TCEA1: variants seen among roughly 807,000 people sequenced by gnomAD.
The protein encoded by TCEA1 is transcription elongation factor A protein 1.
TCEA1 carries 21 observed loss-of-function variants against 43.8 expected under a neutral mutation model. The observed-to-expected ratio is 0.48, with a 90% CI of 0.34 to 0.69. TCEA1 has a LOEUF of 0.69. TCEA1 is among the 30% of genes least tolerant of loss of function. TCEA1 has a pLI of 0.01. For synonymous variants in TCEA1, 104 were observed against 117.5 expected, an observed-to-expected ratio of 0.88 and a Z score of 0.75; for missense variants, 250 against 365.1, an observed-to-expected ratio of 0.68 and a Z score of 2.57.
At chr8:53,983,905 G>A (rs750542315) in intron 7 of TCEA1, among the ~76,000 whole-genome samples, 4 of 152,158 alleles carry the variant, frequency 2.6e-5, no homozygotes, top group African/African-American at 4.8e-5. Flanking sequence ...TTCGAGACCA[G>A]CCTGACCAAC....
chr8:53,987,340 A>C (rs1803721249), intron 5 of TCEA1, among the ~76,000 whole-genome samples: 1 of 152,246 alleles, frequency 6.6e-6, no homozygotes, highest in South Asian at 2.1e-4. Context: ...AGAAAGTTAC[A>C]GAAAGAACTG....
chr8:53,992,247 G>T (rs757668207), intron 4 of TCEA1, among the ~76,000 whole-genome samples: 1 of 151,992 alleles, frequency 6.6e-6, no homozygotes, highest in South Asian at 2.1e-4. Context: ...GGAAGGTGGA[G>T]GTGGCAGTGA....
Position 53,967,043 on chromosome 8 carries a change from T to C in TCEA1, c.*1061A>G, listed in dbSNP as rs1160523499. The stretch of plus-strand genomic sequence containing the variant: ...ATCTGTACTGTAAAGCTACTTGCTA[T>C]AGCCCATATATTCAGTTTGTTCAAC... On this transcript the variant is annotated 3_prime_UTR_variant, in exon 10 of 10. Coordinates refer to ENST00000521604, the MANE Select transcript of TCEA1 (RefSeq NM_006756.4). 1 of 209,018 alleles carries C rather than the reference T, an allele frequency of 4.8e-6. No homozygotes were observed. The highest frequency in any genetic ancestry group is 2.3e-5 in the African/African-American group (1 of 43,880). 12.9% of individuals were successfully genotyped at this position (209,018 alleles called of 1,614,324 possible). A position where few individuals can be genotyped will look rare whatever the true frequency, so the allele number is the denominator to read the frequency against.
Position 53,970,448 on chromosome 8 carries a change from C to T in TCEA1, c.841G>A (p.Ala281Thr), listed in dbSNP as rs1378027814. 1 of 1,610,214 alleles carries T rather than the reference C, an allele frequency of 6.2e-7. No homozygotes were observed. The change falls in exon 9 of 10, where the codon GCT becomes ACT. Residue 281 changes from alanine (A) to threonine (T), a missense_variant. By Grantham distance (58) the Ala-to-Thr change is moderately conservative. Coordinates refer to ENST00000521604, the MANE Select transcript of TCEA1 (RefSeq NM_006756.4). ...ACAAATGTTGTCATTGGTTCATCAG[C>T]ACTACGGGTTTGTACCTGCAGCAAA... ...CTYTQVQTRS[A>T]DEPMTTFVVC...
At chr8:53,975,903 C>T (rs1803318158) in intron 8 of TCEA1, among the ~76,000 whole-genome samples, 2 of 152,052 alleles carry the variant, frequency 1.3e-5, no homozygotes, top group Admixed American at 1.3e-4. Flanking sequence ...AATTCTACCA[C>T]AACTACTTTT....
intron 3 of TCEA1, among the ~76,000 whole-genome samples, chr8:53,997,751 C>A (rs758677975): frequency 6.6e-6 from 1 of 152,082 alleles, no homozygotes; most frequent in Non-Finnish European, 1.5e-5. Context: ...AAATAAATAA[C>A]AAAGGAGGGC....
chr8:54,012,039 C>T (rs1290295698), intron 1 of TCEA1, among the ~76,000 whole-genome samples: 2 of 152,146 alleles, frequency 1.3e-5, no homozygotes, highest in African/African-American at 4.8e-5. Flanking sequence ...AGAAATCTAA[C>T]ACTGACTTAA....
intron 9 of TCEA1, chr8:53,970,189 T>C (rs1803113459): frequency 1.7e-6 from 1 of 592,346 alleles, no homozygotes; most frequent in Non-Finnish European, 3.0e-6. Context: ...CAAATAAAGG[T>C]GGTAAAGTCA....
At chr8:53,978,535 C>T (rs1196271666) in intron 8 of TCEA1, 1 of 153,584 alleles carries the variant, frequency 6.5e-6, no homozygotes, top group Non-Finnish European at 1.4e-5. Flanking sequence ...ATTAGTCATC[C>T]ACATCATCAG....
chr8:54,021,322 A>C (rs1396981884), intron 1 of TCEA1, among the ~76,000 whole-genome samples: 1 of 152,182 alleles, frequency 6.6e-6, no homozygotes, highest in Non-Finnish European at 1.5e-5. Flanking sequence ...TTACATGAAT[A>C]TTCATCAATA....
intron 9 of TCEA1, among the ~76,000 whole-genome samples, chr8:53,969,028 G>A (rs1227653906): frequency 2.6e-5 from 4 of 151,936 alleles, no homozygotes; most frequent in Non-Finnish European, 2.9e-5. Context: ...GGTGGCTCAC[G>A]CCTGTAATCC....
intron 4 of TCEA1, among the ~76,000 whole-genome samples, chr8:53,989,271 A>G (rs1461819178): frequency 6.6e-6 from 1 of 152,160 alleles, no homozygotes; most frequent in East Asian, 1.9e-4. Context: ...GCTTCTGAGT[A>G]GCTTCTTACG....
rs113003413 is a variant in TCEA1, at chr8:54,015,176, ATT to A, written c.64-4686_64-4685del. Reference sequence around the variant, plus strand: ...AGGTTAAAGAATTAAGATATTATCCATTTTTTTTTTTTTGAGACAGTCTCACT... The same window carrying A: ...AGGTTAAAGAATTAAGATATTATCCATTTTTTTTTTTGAGACAGTCTCACT... On this transcript the variant is annotated intron_variant, in intron 1 of 9. Transcript: ENST00000521604. Among the ~76,000 whole-genome samples, 835 of 145,782 alleles carry A rather than the reference ATT, an allele frequency of 5.7e-3. 4 individuals are homozygous for A. The highest frequency in any genetic ancestry group is 0.02 in the African/African-American group (803 of 40,172).
At chr8:53,969,652 C>A (rs913442566) in intron 9 of TCEA1, among the ~76,000 whole-genome samples, 5 of 152,212 alleles carry the variant, frequency 3.3e-5, no homozygotes, top group African/African-American at 1.2e-4. Flanking sequence ...TACATAAGAA[C>A]AATATAGTTC....
At chr8:54,001,590 T>C (rs1409796161) in intron 2 of TCEA1, among the ~76,000 whole-genome samples, 1 of 152,190 alleles carries the variant, frequency 6.6e-6, no homozygotes, top group African/African-American at 2.4e-5. Context: ...AAATAACTTA[T>C]TAGTGTGGTT....
intron 4 of TCEA1, among the ~76,000 whole-genome samples, chr8:53,991,877 A>G (rs1185028253): frequency 6.6e-6 from 1 of 151,252 alleles, no homozygotes; most frequent in Non-Finnish European, 1.5e-5. Flanking sequence ...TATGTTTAAT[A>G]TATATATTTA....
At chr8:53,970,890 A>G (rs1803136830) in intron 8 of TCEA1, among the ~76,000 whole-genome samples, 1 of 152,232 alleles carries the variant, frequency 6.6e-6, no homozygotes. Context: ...AGAATATCTC[A>G]GTCTGACAAA....
intron 1 of TCEA1, among the ~76,000 whole-genome samples, chr8:54,020,544 G>GAACTC: frequency 6.6e-6 from 1 of 152,316 alleles, no homozygotes; most frequent in Non-Finnish European, 1.5e-5. Flanking sequence ...ACTAATTCCT[G>GAACTC]ATCTAGCTGT....
Position 53,988,161 on chromosome 8 carries a change from A to T in TCEA1, c.419T>A (p.Val140Glu). ...AAGCATCTCCCTACACTTCAACCGC[A>T]CAGAATCAGAAGTGCTTGGTGCCCG... ...FPRAPSTSDSVRLKCREMLAA... is the reference protein window; with the variant it reads ...FPRAPSTSDSERLKCREMLAA... Residue 140 changes from valine to glutamate, a missense_variant, in exon 5 of 10, where the codon GTG becomes GAG. Transcript: ENST00000521604. 1 of 1,612,792 alleles carries T rather than the reference A, an allele frequency of 6.2e-7. No homozygotes were observed. The highest frequency in any genetic ancestry group is 8.5e-7 in the Non-Finnish European group (1 of 1,179,532).
Sources: allele counts gnomAD v4.1 joint callset (sites outside exome capture counted in the v4.1 genomes callset), GRCh38; gene constraint gnomAD v4.1.1; transcripts MANE v1.5; gene names NCBI Gene and HGNC (gene_info 2026-07-23, HGNC 2026-07-21).